PC: variants seen among roughly 807,000 people sequenced by gnomAD.
The protein encoded by PC is pyruvate carboxylase, mitochondrial.
A neutral mutation model predicts 107.8 loss-of-function variants in PC; 46 were observed. The observed-to-expected ratio is 0.43, with a 90% CI of 0.34 to 0.55. The LOEUF (loss-of-function observed/expected upper bound fraction) is 0.55, where lower values mean the gene tolerates loss of function less well. PC is among the 20% of genes least tolerant of loss of function. PC has a pLI of 0.04. For synonymous variants in PC, 662 were observed against 684.7 expected, an observed-to-expected ratio of 0.97 and a Z score of 0.52; for missense variants, 1,241 against 1,643.1, an observed-to-expected ratio of 0.76 and a Z score of 4.23.
intron 12 of PC, among the ~76,000 whole-genome samples, chr11:66,856,164 T>G (rs911936501): frequency 6.6e-6 from 1 of 152,178 alleles, no homozygotes; most frequent in African/African-American, 2.4e-5. Context: ...GGGAGCCCTT[T>G]CTCTGAGAGG....
chr11:66,854,561 C>T (rs1160903668), intron 12 of PC, among the ~76,000 whole-genome samples: 2 of 152,176 alleles, frequency 1.3e-5, no homozygotes, highest in African/African-American at 2.4e-5. Flanking sequence ...CGGGGACATG[C>T]GAGCCAGCAC....
Position 66,850,059 on chromosome 11 carries a change from A to C in PC, c.2776T>G (p.Leu926Val), listed in dbSNP as rs912867186. Residue 926 changes from leucine to valine, a missense_variant, in exon 20 of 23, where the codon TTG (leucine) becomes GTG (valine). This residue lies in a region of PC where 1,143 missense variants were observed against 1,551.9 expected (regional missense o/e 0.74). Transcript: ENST00000393960. ...DLAQFMVQNG[L>V]SRAEAEAQAE... Reference sequence around the variant, plus strand: ...TGAGCTTCGGCCTCTGCCCGGCTCAATCCATTCTGCACCATAAACTGGGCC... The same window carrying C: ...TGAGCTTCGGCCTCTGCCCGGCTCACTCCATTCTGCACCATAAACTGGGCC... 5.0e-6 allele frequency: 8 copies of C among 1,613,686 alleles called. No individual in the cohort carries two copies. Among genetic ancestry groups the C allele is most frequent in the Non-Finnish European group, 6.8e-6 (8 of 1,180,036 alleles).
At chr11:66,854,015 C>T (rs892157874) in intron 12 of PC, among the ~76,000 whole-genome samples, 4 of 152,246 alleles carry the variant, frequency 2.6e-5, no homozygotes, top group East Asian at 1.9e-4. Flanking sequence ...AGCAAGTCCA[C>T]GGCCAGCTTC....
At chr11:66,859,731 G>A in intron 12 of PC, 1 of 1,610,850 alleles carries the variant, frequency 6.2e-7, no homozygotes, top group Non-Finnish European at 8.5e-7. Context: ...ACCGGCCGCT[G>A]GGCCCTCTGA....
rs769930671 is a variant in PC, at chr11:66,849,076, C to T, written c.3360G>A (p.Val1120=). 4 of 1,614,156 alleles carry T rather than the reference C, an allele frequency of 2.5e-6. No individual in the cohort carries two copies. Among genetic ancestry groups the T allele is most frequent in the Non-Finnish European group, 3.4e-6 (4 of 1,180,052 alleles). The change falls in exon 23 of 23, where the codon GTG becomes GTA. Residue 1120 remains valine, a synonymous_variant. Transcript: ENST00000393960. ...GQIGAPMPGK[V]IDIKVVAGAK... Reference sequence around the variant, plus strand: ...CCCCTGCCACCACTTTGATGTCTATCACCTTCCCAGGCATGGGCGCCCCGA... The same window carrying T: ...CCCCTGCCACCACTTTGATGTCTATTACCTTCCCAGGCATGGGCGCCCCGA...
chr11:66,921,744 G>C (rs899944973), intron 3 of PC, among the ~76,000 whole-genome samples: 1 of 152,198 alleles, frequency 6.6e-6, no homozygotes, highest in African/African-American at 2.4e-5. Context: ...GCAGTAAGTA[G>C]AGATAATACA....
chr11:66,873,774 T>C (rs1280150498), intron 3 of PC, among the ~76,000 whole-genome samples: 1 of 150,572 alleles, frequency 6.6e-6, no homozygotes, highest in Non-Finnish European at 1.5e-5. Flanking sequence ...TCTGATTCAT[T>C]TCTTTCTTTT....
chr11:66,905,818 C>T (rs1374400592), intron 3 of PC, among the ~76,000 whole-genome samples: 11 of 152,122 alleles, frequency 7.2e-5, no homozygotes, highest in Non-Finnish European at 1.6e-4. Context: ...CATGCTCCCT[C>T]CCCACCCGAA....
chr11:66,923,749 G>A lies in PC; in HGVS notation c.-1+28681C>T, dbSNP rs893194750. 7.2e-5 allele frequency among the ~76,000 whole-genome samples: 11 copies of A among 151,834 alleles called. No homozygotes were observed. In the East Asian group the frequency reaches 1.8e-3, roughly 24 times the overall value. On this transcript the variant is annotated intron_variant, in intron 3 of 22. Transcript: ENST00000393960. ...TGGCCAGGCTGGTCTCAAACTCCTGGCCTCAAGTGATCTGCCCACCTTGGC... is the reference window on the plus strand; with the variant it reads ...TGGCCAGGCTGGTCTCAAACTCCTGACCTCAAGTGATCTGCCCACCTTGGC...
At chr11:66,943,422 C>G (rs975094028) in intron 3 of PC, among the ~76,000 whole-genome samples, 8 of 152,166 alleles carry the variant, frequency 5.3e-5, no homozygotes, top group Non-Finnish European at 8.8e-5. Context: ...TCTTGGACTT[C>G]TCAGCTTCCA....
In PC at chr11:66,870,995, C is replaced by T; in HGVS notation, c.633+57G>A. ...TTCCAGATCCCTTGAGTGGTCCGCC[C>T]CTGCCCCCACGGCAGGCTGCCCTGC... On this transcript the variant is annotated intron_variant, in intron 7 of 22. Coordinates refer to ENST00000393960, the MANE Select transcript of PC (RefSeq NM_001040716.2). The surrounding 1 kb of genome is among the most constrained non-coding windows in gnomAD (Gnocchi z 6.1). 1 of 1,612,022 alleles carries T rather than the reference C, an allele frequency of 6.2e-7. No homozygotes were observed. Among genetic ancestry groups the T allele is most frequent in the South Asian group, 1.1e-5 (1 of 91,048 alleles).
chr11:66,871,008 C>G lies in PC; in HGVS notation c.633+44G>C. The G allele has an allele frequency of 6.2e-7, 1 of 1,613,060 alleles. No individual in the cohort carries two copies. Among genetic ancestry groups the G allele is most frequent in the East Asian group, 2.2e-5 (1 of 44,864 alleles). On this transcript the variant is annotated intron_variant, in intron 7 of 22. Transcript: ENST00000393960. The surrounding 1 kb of genome is among the most constrained non-coding windows in gnomAD (Gnocchi z 7.4). ...GAGTGGTCCGCCCCTGCCCCCACGGCAGGCTGCCCTGCCCTGCTCCCAGCC... is the reference window on the plus strand; with the variant it reads ...GAGTGGTCCGCCCCTGCCCCCACGGGAGGCTGCCCTGCCCTGCTCCCAGCC...
rs371256862 is a variant in PC, at chr11:66,871,674, C to T, written c.321+13G>A. The T allele has an allele frequency of 1.4e-4, 213 of 1,563,746 alleles. No homozygotes were observed. The highest frequency in any genetic ancestry group is 1.8e-4 in the Non-Finnish European group (209 of 1,154,092). ...TCCCTGCTGTCCAGGCCCAGCCAGG[C>T]CACTGGGCTCACCTTGGCCACCTTG... On this transcript the variant is annotated intron_variant, in intron 5 of 22. Coordinates refer to ENST00000393960, the MANE Select transcript of PC (RefSeq NM_001040716.2). This position sits in a 1 kb window ranked among gnomAD's most constrained non-coding sequence, Gnocchi z 7.4.
chr11:66,873,545 AATATT>A (rs1442946814), intron 3 of PC, among the ~76,000 whole-genome samples: 5 of 102,682 alleles, frequency 4.9e-5, no homozygotes, highest in East Asian at 2.3e-4. Flanking sequence ...TATTATATAT[AATATT>A]ATAATATTAT....
At chr11:66,957,751 G>T (rs1285882598) in intron 1 of PC, 4 of 152,284 alleles carry the variant, frequency 2.6e-5, no homozygotes, top group Non-Finnish European at 1.5e-5. Context: ...TCCTGAATGA[G>T]CGGCCTTGGG....
At chr11:66,887,970 C>T (rs1455327821) in intron 3 of PC, among the ~76,000 whole-genome samples, 1 of 152,252 alleles carries the variant, frequency 6.6e-6, no homozygotes, top group African/African-American at 2.4e-5. Context: ...CTCGTGGCCA[C>T]ATCACTCCCA....
At chr11:66,943,416 G>A (rs1267405300) in intron 3 of PC, among the ~76,000 whole-genome samples, 4 of 152,076 alleles carry the variant, frequency 2.6e-5, no homozygotes, top group Middle Eastern at 3.2e-3. Flanking sequence ...CCTTGATCTT[G>A]GACTTCTCAG....
In PC at chr11:66,851,295, G is replaced by C. The variant is rs1945474602; in HGVS notation, c.1983-15C>G. 1 of 1,599,840 alleles carries C rather than the reference G, an allele frequency of 6.3e-7. No individual in the cohort carries two copies. On this transcript the variant is annotated splice_polypyrimidine_tract_variant and intron_variant, in intron 16 of 22. Transcript: ENST00000393960. ...CTTCACAGAACCTGCAAGGGTGAGA[G>C]AGCCCAGGGCTGAGCCCCACCCCAC...
rs546623840 is a variant in PC at position 66,885,260 on chromosome 11, G to C, written c.1-13101C>G. Among the ~76,000 whole-genome samples the C allele has an allele frequency of 1.2e-4, 19 of 152,288 alleles. No homozygotes were observed. In the South Asian group the frequency reaches 3.9e-3, roughly 32 times the overall value. ...TCCCAGCACTTTCGGAGGCTGAAGT[G>C]GGCTGATCACCTGAGGTCAGGAGTT... On this transcript the variant is annotated intron_variant, in intron 3 of 22. Coordinates refer to ENST00000393960, the MANE Select transcript of PC (RefSeq NM_001040716.2).
Sources: gnomAD v4.1 joint callset for allele counts (sites outside exome capture counted in the v4.1 genomes callset) on GRCh38, gnomAD v4.1.1 for gene constraint, gnomAD v4.1.1 regional missense constraint, Gnocchi (gnomAD v3.1) non-coding constraint, MANE v1.5 for transcripts, NCBI Gene and HGNC (gene_info 2026-07-23, HGNC 2026-07-21) for gene names.